STAT3: variants seen among roughly 807,000 people sequenced by gnomAD.
STAT3 encodes the protein DNA-binding protein APRF.
Under a neutral mutation model 114.3 loss-of-function variants are expected in STAT3, and 7 were observed. The ratio of observed to expected loss-of-function variants is 0.06; its 90% CI spans 0.03 to 0.11. The LOEUF (loss-of-function observed/expected upper bound fraction) is 0.11. Among genes scored for constraint, STAT3 ranks in the 10% least tolerant of loss-of-function variants. The pLI is 1.00. For synonymous variants in STAT3, 331 were observed against 354.5 expected (o/e 0.93, Z 0.74); for missense variants, 364 against 960.9 (o/e 0.38, Z 8.21).
chr17:42,323,963 T>G (rs2081592476), intron 17 of STAT3, among the ~76,000 whole-genome samples: 1 of 152,198 alleles, frequency 6.6e-6, no homozygotes, highest in African/African-American at 2.4e-5. Flanking sequence ...TGGCAACAGC[T>G]TTATTAGAAC....
intron 15 of STAT3, among the ~76,000 whole-genome samples, chr17:42,325,389 A>C (rs1244035647): frequency 1.3e-5 from 2 of 152,208 alleles, no homozygotes; most frequent in Non-Finnish European, 2.9e-5. Context: ...CTGTATCTTC[A>C]CATGAAACAG....
chr17:42,358,505 C>A (rs2083339270), intron 1 of STAT3, among the ~76,000 whole-genome samples: 1 of 152,168 alleles, frequency 6.6e-6, no homozygotes, highest in Non-Finnish European at 1.5e-5. Context: ...ATTGTTAAAG[C>A]TGCCTAAGAA....
intron 1 of STAT3, among the ~76,000 whole-genome samples, chr17:42,382,263 G>A (rs1247850954): frequency 6.6e-6 from 1 of 152,038 alleles, no homozygotes; most frequent in Non-Finnish European, 1.5e-5. Flanking sequence ...TAGATTTACC[G>A]AGCTCTTACT....
In STAT3 at chr17:42,324,984, G is replaced by A; in HGVS notation, c.1443C>T (p.Asn481=). The change falls in exon 16 of 24, where the codon AAC becomes AAT. Residue 481 remains asparagine, a synonymous_variant. Coordinates refer to ENST00000264657, the MANE Select transcript of STAT3 (RefSeq NM_139276.3). The surrounding 1 kb of genome is among the most constrained non-coding windows in gnomAD (Gnocchi z 4.5). ...PNAWASILWY[N]MLTNNPKNVN... is the part of the protein sequence containing the mutation. ...TAACCTTGGGATTGTTGGTCAGCAT[G>A]TTGTACCACAGGATGGACGCCCAGG... 1.2e-6 allele frequency: 2 copies of A among 1,614,198 alleles called. No homozygotes were observed. Among genetic ancestry groups the A allele is most frequent in the Non-Finnish European group, 1.7e-6 (2 of 1,180,026 alleles).
intron 1 of STAT3, among the ~76,000 whole-genome samples, chr17:42,349,431 C>T (rs2082842067): frequency 6.6e-6 from 1 of 152,194 alleles, no homozygotes; most frequent in South Asian, 2.1e-4. Flanking sequence ...ACACAGTAAA[C>T]CTGTACTGTA....
Position 42,388,415 on chromosome 17 carries a change from G to T in STAT3, c.-160C>A. 8.1e-7 allele frequency: 1 copy of T among 1,231,750 alleles called. No individual in the cohort carries two copies. Among genetic ancestry groups the T allele is most frequent in the Non-Finnish European group, 1.0e-6 (1 of 987,954 alleles). 76.3% of individuals were successfully genotyped at this position (1,231,750 alleles called of 1,614,324 possible). On this transcript the variant is annotated 5_prime_UTR_variant, in exon 1 of 24. Coordinates refer to ENST00000264657, the MANE Select transcript of STAT3 (RefSeq NM_139276.3). ...AAGCCGGGGTGCCTGTCCAGGATCCGGTTGGGGCTTGTTCCCTCGGCTGCG... is the reference window on the plus strand; with the variant it reads ...AAGCCGGGGTGCCTGTCCAGGATCCTGTTGGGGCTTGTTCCCTCGGCTGCG...
intron 1 of STAT3, among the ~76,000 whole-genome samples, chr17:42,361,465 A>G (rs907875524): frequency 6.6e-6 from 1 of 151,622 alleles, no homozygotes; most frequent in African/African-American, 2.4e-5. Flanking sequence ...CCTGGGCAAC[A>G]AGAGCAAAAC....
intron 1 of STAT3, among the ~76,000 whole-genome samples, chr17:42,360,016 C>T (rs866650116): frequency 4.2e-5 from 6 of 143,274 alleles, no homozygotes; most frequent in Middle Eastern, 3.6e-3. Context: ...GCCGAGATCG[C>T]GCCACTGCAC....
Position 42,337,709 on chromosome 17 carries a change from A to C in STAT3, c.645+54T>G. On this transcript the variant is annotated intron_variant, in intron 7 of 23. Coordinates refer to ENST00000264657, the MANE Select transcript of STAT3 (RefSeq NM_139276.3). The surrounding 1 kb of genome is among the most constrained non-coding windows in gnomAD (Gnocchi z 4.0). ...AGCAAGTTCTGCCACAAGACGCTGA[A>C]ATCCCGCAAGTGAGCGAGACACATG... The C allele has an allele frequency of 6.2e-7, 1 of 1,613,428 alleles. No individual in the cohort carries two copies. The highest frequency in any genetic ancestry group is 1.1e-5 in the South Asian group (1 of 91,036).
At position 42,337,722 on chromosome 17, in the gene STAT3, A is replaced by G; in HGVS notation, c.645+41T>C. 6.2e-7 allele frequency: 1 copy of G among 1,613,072 alleles called. No individual in the cohort carries two copies. On this transcript the variant is annotated intron_variant, in intron 7 of 23. Transcript: ENST00000264657. The surrounding 1 kb of genome is among the most constrained non-coding windows in gnomAD (Gnocchi z 4.0). ...ACAAGACGCTGAAATCCCGCAAGTG[A>G]GCGAGACACATGGGGGAAGTGGTCC...
intron 1 of STAT3, among the ~76,000 whole-genome samples, chr17:42,359,907 A>G (rs2083424321): frequency 6.6e-6 from 1 of 151,924 alleles, no homozygotes; most frequent in African/African-American, 2.4e-5. Flanking sequence ...AAAAATACAA[A>G]AAATTAGCCA....
intron 20 of STAT3, among the ~76,000 whole-genome samples, 186 bp from the exon 21 acceptor site, chr17:42,322,680 G>A (rs1192701247): frequency 6.6e-6 from 1 of 152,240 alleles, no homozygotes; most frequent in Non-Finnish European, 1.5e-5. Context: ...TTAAGAAGAG[G>A]CTACTAGTTG....
chr17:42,388,088 A>G (rs1337995167), intron 1 of STAT3, 191 bp downstream of exon 1: 2 of 648,184 alleles, frequency 3.1e-6, no homozygotes, highest in Non-Finnish European at 4.4e-6. Context: ...CAGCGCCCCG[A>G]GTCCCTTCCG....
intron 4 of STAT3, among the ~76,000 whole-genome samples, chr17:42,341,112 C>A (rs1308192226): frequency 6.6e-6 from 1 of 152,158 alleles, no homozygotes; most frequent in Non-Finnish European, 1.5e-5. Context: ...GATGTTTTAA[C>A]CTTCATTCCT....
intron 21 of STAT3, among the ~76,000 whole-genome samples, chr17:42,319,528 C>T (rs531479383): frequency 1.3e-4 from 14 of 111,202 alleles, no homozygotes; most frequent in African/African-American, 5.1e-4. Flanking sequence ...GACGATAGAG[C>T]GAGACTCAGG....
intron 4 of STAT3, among the ~76,000 whole-genome samples, chr17:42,342,452 C>T (rs1289929591): frequency 2.6e-5 from 4 of 151,176 alleles, no homozygotes; most frequent in Non-Finnish European, 4.4e-5. Context: ...CACTGCACTC[C>T]GGCCTGGGTG....
rs527566652 is a variant in STAT3 at position 42,334,247 on chromosome 17, G to A, written c.798-198C>T. Among the ~76,000 whole-genome samples, 18 of 151,826 alleles carry A rather than the reference G, an allele frequency of 1.2e-4. No individual in the cohort carries two copies. The East Asian group carries it at 1.5e-3, about 13-fold the overall frequency. ...CAGTTCAGTGACATTAAGAAAAGAGGAATTTTTCACCATGTTGGGTGGATG... is the reference window on the plus strand; with the variant it reads ...CAGTTCAGTGACATTAAGAAAAGAGAAATTTTTCACCATGTTGGGTGGATG... On this transcript the variant is annotated intron_variant, in intron 8 of 23. Transcript: ENST00000264657.
At chr17:42,371,399 G>A (rs941574873) in intron 1 of STAT3, among the ~76,000 whole-genome samples, 5 of 151,836 alleles carry the variant, frequency 3.3e-5, no homozygotes, top group African/African-American at 7.3e-5. Context: ...GGCGGGGCAC[G>A]GTGGCTCACA....
At chr17:42,344,524 G>T (rs925143862) in intron 4 of STAT3, among the ~76,000 whole-genome samples, 1 of 151,686 alleles carries the variant, frequency 6.6e-6, no homozygotes, top group Admixed American at 6.6e-5. Flanking sequence ...AGACCATCCT[G>T]CCTAACAAGG....
Sources: allele counts gnomAD v4.1 joint callset (sites outside exome capture counted in the v4.1 genomes callset), GRCh38; gene constraint gnomAD v4.1.1; non-coding constraint Gnocchi (gnomAD v3.1); transcripts MANE v1.5; gene names NCBI Gene and HGNC (gene_info 2026-07-23, HGNC 2026-07-21).